Variants in NRG2 observed in about 807,000 individuals in gnomAD.
NRG2 encodes pro-neuregulin-2, membrane-bound isoform.
Under a neutral mutation model 73.9 loss-of-function variants are expected in NRG2, and 27 were observed. The ratio of observed to expected loss-of-function variants is 0.37; its 90% CI spans 0.27 to 0.50. The LOEUF is 0.50. NRG2 is among the 20% of genes least tolerant of loss of function. NRG2 has a pLI of 0.96. For synonymous variants in NRG2, 532 were observed against 541.0 expected (o/e 0.98, Z 0.23); for missense variants, 1,126 against 1,210.1 (o/e 0.93, Z 1.03).
chr5:139,884,195 A>ATC (rs1763722846), intron 2 of NRG2, among the ~76,000 whole-genome samples: 2 of 152,302 alleles, frequency 1.3e-5, no homozygotes, highest in East Asian at 3.9e-4. Flanking sequence ...GGAGAGACAG[A>ATC]TCCCTCTACA....
At chr5:139,937,953 C>A (rs903844854) in intron 1 of NRG2, among the ~76,000 whole-genome samples, 3 of 152,156 alleles carry the variant, frequency 2.0e-5, no homozygotes, top group Non-Finnish European at 2.9e-5. Flanking sequence ...TGGTGTGCAC[C>A]TGTAATCCCA....
intron 1 of NRG2, among the ~76,000 whole-genome samples, chr5:139,948,204 A>G (rs1203883717): frequency 1.3e-5 from 2 of 148,450 alleles, no homozygotes; most frequent in Non-Finnish European, 3.0e-5. Flanking sequence ...TTCATTTAGC[A>G]TAATGTCAAT....
In NRG2 at chr5:139,853,170, T is replaced by A. The variant is rs1761577716; in HGVS notation, c.1293-143A>T. 4 of 1,103,534 alleles carry A rather than the reference T, an allele frequency of 3.6e-6. No individual in the cohort carries two copies. Among genetic ancestry groups the A allele is most frequent in the African/African-American group, 1.6e-5 (1 of 63,262 alleles). The allele number at this position is 1,103,534 out of a possible 1,614,324, so 68.4% of individuals were successfully genotyped here. A position where few individuals can be genotyped will look rare whatever the true frequency, so the allele number is the denominator to read the frequency against. ...GCTCGTCCCTGTACTCAAGCTGCCC[T>A]ACAGCATCACTACCACCTGAATCCA... is the stretch of plus-strand genomic sequence containing the variant. On this transcript the variant is annotated intron_variant, in intron 6 of 9. Coordinates refer to ENST00000361474, the MANE Select transcript of NRG2 (RefSeq NM_004883.3). This position sits in a 1 kb window ranked among gnomAD's most constrained non-coding sequence, Gnocchi z 4.1.
chr5:139,882,954 G>C (rs1437336221), intron 2 of NRG2, among the ~76,000 whole-genome samples: 6 of 152,134 alleles, frequency 3.9e-5, no homozygotes, highest in African/African-American at 1.4e-4. Context: ...GCTTGCTGCA[G>C]ATGTCCTAGG....
At position 139,852,684 on chromosome 5, in the gene NRG2, G is replaced by T; in HGVS notation, c.1417-125C>A. 2 of 1,461,458 alleles carry T rather than the reference G, an allele frequency of 1.4e-6. No individual in the cohort carries two copies. Among genetic ancestry groups the T allele is most frequent in the Non-Finnish European group, 1.9e-6 (2 of 1,074,398 alleles). The allele number at this position is 1,461,458 out of a possible 1,614,324, so 90.5% of individuals were successfully genotyped here. A position where few individuals can be genotyped will look rare whatever the true frequency, so the allele number is the denominator to read the frequency against. On this transcript the variant is annotated intron_variant, in intron 7 of 9. Coordinates refer to ENST00000361474, the MANE Select transcript of NRG2 (RefSeq NM_004883.3). The surrounding 1 kb of genome is among the most constrained non-coding windows in gnomAD (Gnocchi z 4.4). ...TTGGGGAGACCCACTGTGTGAGAGTGACTTGATGTTGGGGCAGCGATGGCT... is the reference window on the plus strand; with the variant it reads ...TTGGGGAGACCCACTGTGTGAGAGTTACTTGATGTTGGGGCAGCGATGGCT...
intron 1 of NRG2, among the ~76,000 whole-genome samples, chr5:139,975,467 G>A (rs77595927): frequency 6.6e-6 from 1 of 152,166 alleles, no homozygotes; most frequent in Non-Finnish European, 1.5e-5. Context: ...TGAGCTTGGT[G>A]TCCAGGACCC....
chr5:139,868,513 A>T lies in NRG2; in HGVS notation c.1113-2888T>A, dbSNP rs960948372. ...CCTTCCCAGCCTTTCCCACCAGGTC[A>T]TCAGTTATGACTCTGGGGAAGGTCT... On this transcript the variant is annotated intron_variant, in intron 4 of 9. Transcript: ENST00000361474. The surrounding 1 kb of genome is among the most constrained non-coding windows in gnomAD (Gnocchi z 4.2). 2.6e-5 allele frequency among the ~76,000 whole-genome samples: 4 copies of T among 151,988 alleles called. No homozygotes were observed. Among genetic ancestry groups the T allele is most frequent in the Admixed American group, 1.3e-4 (2 of 15,270 alleles).
At position 139,848,654 on chromosome 5, in the gene NRG2, C is replaced by T; in HGVS notation, c.1816G>A (p.Asp606Asn). ...LTTPARLSPV[D>N]FHYSLATQVP... ...TGCGTGGCCAGCGAGTAGTGGAAGT[C>T]CACGGGCGAGAGGCGCGCGGGCGTG... Residue 606 changes from aspartate (D) to asparagine (N), a missense_variant, in exon 10 of 10, where the codon GAC becomes AAC. Asp to Asn is a conservative substitution (Grantham distance 23). Coordinates refer to ENST00000361474, the MANE Select transcript of NRG2 (RefSeq NM_004883.3). 1 of 1,572,146 alleles carries T rather than the reference C, an allele frequency of 6.4e-7. No individual in the cohort carries two copies. The highest frequency in any genetic ancestry group is 8.6e-7 in the Non-Finnish European group (1 of 1,168,562).
chr5:140,039,874 T>G (rs1172294994), intron 1 of NRG2, among the ~76,000 whole-genome samples: 1 of 152,240 alleles, frequency 6.6e-6, no homozygotes, highest in Non-Finnish European at 1.5e-5. Context: ...TGGGCAAATC[T>G]GCTCCAAGGA....
intron 1 of NRG2, among the ~76,000 whole-genome samples, chr5:139,991,531 C>T (rs576355389): frequency 6.6e-6 from 1 of 152,120 alleles, no homozygotes; most frequent in South Asian, 2.1e-4. Context: ...ACCATCTCAG[C>T]TCACTGAGTG....
intron 1 of NRG2, among the ~76,000 whole-genome samples, chr5:139,898,284 G>A (rs1764674410): frequency 6.6e-6 from 1 of 152,258 alleles, no homozygotes; most frequent in African/African-American, 2.4e-5. Flanking sequence ...GGTACTCATG[G>A]AACTGAGAGG....
At chr5:139,983,771 T>C (rs1043873639) in intron 1 of NRG2, among the ~76,000 whole-genome samples, 1 of 152,196 alleles carries the variant, frequency 6.6e-6, no homozygotes, top group Non-Finnish European at 1.5e-5. Context: ...ATATAGGGTA[T>C]TGACTGGAAC....
chr5:139,852,570 CAG>C lies in NRG2; in HGVS notation c.1417-13_1417-12del. 2 of 1,612,160 alleles carry C rather than the reference CAG, an allele frequency of 1.2e-6. No individual in the cohort carries two copies. Among genetic ancestry groups the C allele is most frequent in the Non-Finnish European group, 8.5e-7 (1 of 1,179,030 alleles). On this transcript the variant is annotated splice_polypyrimidine_tract_variant and intron_variant, in intron 7 of 9. Transcript: ENST00000361474. This position sits in a 1 kb window ranked among gnomAD's most constrained non-coding sequence, Gnocchi z 4.4. ...GTTCTTGGAAATATACTGGAACAGA[CAG>C]AGTTGGGCGAGAGTTAGTGACTGGG... is the stretch of plus-strand genomic sequence containing the variant.
At chr5:139,967,430 A>C (rs1313572620) in intron 1 of NRG2, among the ~76,000 whole-genome samples, 1 of 152,226 alleles carries the variant, frequency 6.6e-6, no homozygotes, top group East Asian at 1.9e-4. Context: ...CCTGCAGCCC[A>C]ACAAAGGCCA....
At chr5:139,873,057 A>G (rs766255056) in intron 3 of NRG2, among the ~76,000 whole-genome samples, 42 of 152,188 alleles carry the variant, frequency 2.8e-4, no homozygotes, top group Non-Finnish European at 5.6e-4. Flanking sequence ...GGAGGAGGGC[A>G]GGCAGTCGGC....
At position 139,871,852 on chromosome 5, in the gene NRG2, G is replaced by A; in HGVS notation, c.992-11C>T. ...ACAGGGTGGTGCTCACTGAGGGTAT[G>A]AGAGACATGTGCCAGTGACGCACTG... is the stretch of plus-strand genomic sequence containing the variant. On this transcript the variant is annotated splice_polypyrimidine_tract_variant and intron_variant, in intron 3 of 9. Coordinates refer to ENST00000361474, the MANE Select transcript of NRG2 (RefSeq NM_004883.3). 6.2e-7 allele frequency: 1 copy of A among 1,613,408 alleles called. No individual in the cohort carries two copies. The highest frequency in any genetic ancestry group is 2.2e-5 in the East Asian group (1 of 44,864).
chr5:139,866,301 A>G (rs1224187483), intron 4 of NRG2, among the ~76,000 whole-genome samples: 2 of 152,244 alleles, frequency 1.3e-5, no homozygotes, highest in African/African-American at 4.8e-5. Flanking sequence ...AAAGTTTCAT[A>G]GGAGGAAATA....
At chr5:139,901,976 G>A (rs1764916255) in intron 1 of NRG2, among the ~76,000 whole-genome samples, 2 of 152,210 alleles carry the variant, frequency 1.3e-5, no homozygotes, top group African/African-American at 2.4e-5. Flanking sequence ...GCAGGCTTAC[G>A]CTCTGCCCTT....
intron 1 of NRG2, among the ~76,000 whole-genome samples, chr5:139,995,052 A>G (rs1312086614): frequency 6.6e-6 from 1 of 152,216 alleles, no homozygotes; most frequent in Non-Finnish European, 1.5e-5. Flanking sequence ...GATTTGGGAA[A>G]TGTGTGATAA....
Sources: allele counts gnomAD v4.1 joint callset (sites outside exome capture counted in the v4.1 genomes callset), GRCh38; gene constraint gnomAD v4.1.1; non-coding constraint Gnocchi (gnomAD v3.1); transcripts MANE v1.5; gene names NCBI Gene and HGNC (gene_info 2026-07-23, HGNC 2026-07-21).